The following CDC42BPA variants were observed in gnomAD, a reference collection of about 807,000 sequenced individuals.
The protein encoded by CDC42BPA is CDC42 binding protein kinase alpha.
Under a neutral mutation model 223.5 loss-of-function variants are expected in CDC42BPA, and 80 were observed. That is an observed-to-expected ratio of 0.36 (90% CI 0.30 to 0.43). The LOEUF (loss-of-function observed/expected upper bound fraction) is 0.43, where lower values mean the gene tolerates loss of function less well. CDC42BPA is among the 20% of genes least tolerant of loss of function. The pLI, the probability that CDC42BPA is intolerant of heterozygous loss-of-function variation, is 1.00. For missense variants in CDC42BPA, 1,743 were observed against 2,099.9 expected, an observed-to-expected ratio of 0.83 and a Z score of 3.32; for synonymous variants, 694 against 718.6, an observed-to-expected ratio of 0.97 and a Z score of 0.55.
chr1:227,052,728 A>T (rs1212194860), intron 21 of CDC42BPA, among the ~76,000 whole-genome samples: 2 of 152,214 alleles, frequency 1.3e-5, no homozygotes, highest in African/African-American at 4.8e-5. Context: ...ACAGCAAAAC[A>T]ATGTTTAGAT....
At chr1:227,100,208 T>G (rs1202572099) in intron 15 of CDC42BPA, among the ~76,000 whole-genome samples, 1 of 152,120 alleles carries the variant, frequency 6.6e-6, no homozygotes, top group Non-Finnish European at 1.5e-5. Flanking sequence ...CATCCACTTC[T>G]CTCCATCTTC....
intron 1 of CDC42BPA, among the ~76,000 whole-genome samples, chr1:227,312,454 C>T (rs958433874): frequency 5.3e-5 from 8 of 152,150 alleles, no homozygotes; most frequent in Non-Finnish European, 1.2e-4. Flanking sequence ...TTATATACTG[C>T]TATACTAAGG....
At chr1:227,190,452 T>C (rs551827874) in intron 5 of CDC42BPA, among the ~76,000 whole-genome samples, 1 of 152,336 alleles carries the variant, frequency 6.6e-6, no homozygotes. Context: ...AACTGATCAT[T>C]AGAAATAAAC....
chr1:227,220,282 T>TTATA (rs368690606), intron 2 of CDC42BPA, among the ~76,000 whole-genome samples: 1,772 of 100,358 alleles, frequency 0.018, 18 homozygotes, highest in African/African-American at 0.021. Flanking sequence ...AAAAGTCATG[T>TTATA]TATATATATA....
At chr1:227,000,919 T>C (rs1283197436) in intron 35 of CDC42BPA, among the ~76,000 whole-genome samples, 1 of 152,110 alleles carries the variant, frequency 6.6e-6, no homozygotes, top group Non-Finnish European at 1.5e-5. Flanking sequence ...ATACAGCCCC[T>C]TCCAGAGAGT....
chr1:227,129,702 C>CATATATATATATATATATATAT (rs1196658904), intron 10 of CDC42BPA, among the ~76,000 whole-genome samples: 2,443 of 70,516 alleles, frequency 0.035, 64 homozygotes, highest in Non-Finnish European at 0.055. Context: ...AAATCCACTG[C>CATATATATATATATATATATAT]ATATATATAT....
intron 14 of CDC42BPA, among the ~76,000 whole-genome samples, chr1:227,108,419 T>TC (rs1686300581): frequency 6.6e-6 from 1 of 152,000 alleles, no homozygotes; most frequent in Non-Finnish European, 1.5e-5. Flanking sequence ...GTTTTTTTTT[T>TC]CCCTGTAATT....
chr1:227,167,059 C>T (rs958991655), intron 5 of CDC42BPA, among the ~76,000 whole-genome samples: 1 of 152,094 alleles, frequency 6.6e-6, no homozygotes, highest in African/African-American at 2.4e-5. Flanking sequence ...ATTCTCTGTA[C>T]AAATAATTTG....
At chr1:227,273,661 C>A (rs1263902638) in intron 1 of CDC42BPA, among the ~76,000 whole-genome samples, 1 of 151,586 alleles carries the variant, frequency 6.6e-6, no homozygotes, top group East Asian at 1.9e-4. Flanking sequence ...GTGGAGACTT[C>A]AGAAGAATAT....
chr1:227,078,696 AG>A (rs1679998485), intron 17 of CDC42BPA, among the ~76,000 whole-genome samples: 1 of 152,134 alleles, frequency 6.6e-6, no homozygotes. Context: ...ACTTCGTAAA[AG>A]GTTTTATATA....
chr1:227,239,055 GCA>G (rs1679574929), intron 2 of CDC42BPA, among the ~76,000 whole-genome samples: 1 of 152,146 alleles, frequency 6.6e-6, no homozygotes, highest in South Asian at 2.1e-4. Flanking sequence ...AATGTTCAAT[GCA>G]CACAGTGTAT....
intron 19 of CDC42BPA, 28 bp from the exon 20 acceptor site, chr1:227,072,327 GTCATTAATT>G: frequency 3.7e-6 from 5 of 1,355,034 alleles, no homozygotes; most frequent in Non-Finnish European, 4.2e-6. Context: ...AAGGAAAAAT[GTCATTAATT>G]TTTATTGCTG....
At position 227,264,953 on chromosome 1, in the gene CDC42BPA, T is replaced by G. The variant is rs1684731486; in HGVS notation, c.179-10798A>C. ...GGTATATTCATGGATTATCTCTTCC[T>G]CTTCTTGTATAACCTCATTTGGGCA... is the stretch of plus-strand genomic sequence containing the variant. On this transcript the variant is annotated intron_variant, in intron 1 of 36. Transcript: ENST00000366766. 9.6e-6 allele frequency: 10 copies of G among 1,042,108 alleles called. No individual in the cohort carries two copies. The Admixed American group carries it at 1.7e-4, about 18-fold the overall frequency. The allele number at this position is 1,042,108 out of a possible 1,614,324, so 64.6% of individuals were successfully genotyped here.
At chr1:227,206,032 A>G (rs1672664782) in intron 3 of CDC42BPA, among the ~76,000 whole-genome samples, 1 of 152,202 alleles carries the variant, frequency 6.6e-6, no homozygotes, top group Non-Finnish European at 1.5e-5. Context: ...TGGACAACAG[A>G]GCAAGACTCT....
At chr1:227,004,306 C>T (rs1298920136) in intron 35 of CDC42BPA, 1 of 152,356 alleles carries the variant, frequency 6.6e-6, no homozygotes, top group African/African-American at 2.4e-5. Context: ...TGCTGCATCC[C>T]AAGCCCTCAT....
chr1:227,016,158 A>G lies in CDC42BPA; in HGVS notation c.4779T>C (p.Ile1593=), dbSNP rs758007673. The G allele has an allele frequency of 6.3e-7, 1 of 1,599,906 alleles. No homozygotes were observed. Among genetic ancestry groups the G allele is most frequent in the Non-Finnish European group, 8.6e-7 (1 of 1,167,502 alleles). ...LRDPEMRNKL[I]SNPTNFNHIA... is the part of the protein sequence containing the mutation. ...TGTGATTAAAATTAGTTGGATTAGA[A>G]ATTAATTTATTTCTCATTTCTGGAT... Residue 1593 remains isoleucine (I), a synonymous_variant, in exon 34 of 37, where the codon ATT becomes ATC. Coordinates refer to ENST00000366766, the MANE Select transcript of CDC42BPA (RefSeq NM_001394014.1).
At chr1:227,208,119 A>T (rs1673149048) in intron 3 of CDC42BPA, among the ~76,000 whole-genome samples, 1 of 137,258 alleles carries the variant, frequency 7.3e-6, no homozygotes, top group Admixed American at 7.5e-5. Flanking sequence ...ATGGCCAGTG[A>T]TGACGAGCAT....
chr1:227,148,367 A>G (rs1371865508), intron 6 of CDC42BPA, among the ~76,000 whole-genome samples: 4 of 152,170 alleles, frequency 2.6e-5, no homozygotes, highest in African/African-American at 9.7e-5. Context: ...CTTTGAAGTA[A>G]AAGAATATTA....
chr1:227,311,865 T>C (rs1693595198), intron 1 of CDC42BPA, among the ~76,000 whole-genome samples: 1 of 151,456 alleles, frequency 6.6e-6, no homozygotes, highest in African/African-American at 2.4e-5. Flanking sequence ...TTCCCATCTA[T>C]TTCCAAGTCT....
Sources: gnomAD v4.1 joint callset for allele counts (sites outside exome capture counted in the v4.1 genomes callset) on GRCh38, gnomAD v4.1.1 for gene constraint, MANE v1.5 for transcripts, NCBI Gene and HGNC (gene_info 2026-07-23, HGNC 2026-07-21) for gene names.